The following SAMMSON variants were observed in gnomAD, a reference collection of about 807,000 sequenced individuals.
SAMMSON encodes long intergenic non-protein coding RNA 1212.
intron 3 of SAMMSON, among the ~76,000 whole-genome samples, chr3:70,035,339 TAGAGA>T (rs2067081378): frequency 6.6e-6 from 1 of 151,422 alleles, no homozygotes; most frequent in South Asian, 2.1e-4. Context: ...TACTGTTGAC[TAGAGA>T]AAACACTCTT....
At chr3:70,034,041 G>T (rs534470657) in intron 3 of SAMMSON, among the ~76,000 whole-genome samples, 1 of 152,204 alleles carries the variant, frequency 6.6e-6, no homozygotes, top group Non-Finnish European at 1.5e-5. Context: ...AGAAAAAATG[G>T]AGCTAGAGAT....
intron 3 of SAMMSON, among the ~76,000 whole-genome samples, chr3:70,042,970 T>G (rs2067111405): frequency 6.6e-6 from 1 of 152,036 alleles, no homozygotes; most frequent in Admixed American, 6.6e-5. Flanking sequence ...AGAATAGCAT[T>G]TAGGAGTAAC....
chr3:70,340,479 G>T (rs998190313), intron 7 of SAMMSON, among the ~76,000 whole-genome samples: 1 of 151,970 alleles, frequency 6.6e-6, no homozygotes. Context: ...TTTTTGGAAG[G>T]TTCCTACTAC....
chr3:70,018,973 A>G (rs1314091531), intron 3 of SAMMSON, among the ~76,000 whole-genome samples: 2 of 152,166 alleles, frequency 1.3e-5, no homozygotes, highest in African/African-American at 4.8e-5. Flanking sequence ...CTGTTCTTTT[A>G]CATTTGCTGA....
chr3:70,141,269 C>T (rs1373272237), intron 4 of SAMMSON, among the ~76,000 whole-genome samples: 7 of 152,104 alleles, frequency 4.6e-5, no homozygotes, highest in Admixed American at 1.3e-4. Context: ...CATGACCTGC[C>T]GTCTGCAAGC....
chr3:70,320,929 A>G (rs1575625226), intron 7 of SAMMSON, among the ~76,000 whole-genome samples: 1 of 152,202 alleles, frequency 6.6e-6, no homozygotes, highest in South Asian at 2.1e-4. Flanking sequence ...GGACATAATA[A>G]TGGCATCTAC....
intron 6 of SAMMSON, among the ~76,000 whole-genome samples, chr3:70,273,504 C>T (rs1014101699): frequency 6.6e-6 from 1 of 152,066 alleles, no homozygotes; most frequent in Non-Finnish European, 1.5e-5. Context: ...ACAGTAAACT[C>T]CAGATAATAC....
intron 2 of SAMMSON, among the ~76,000 whole-genome samples, chr3:70,430,093 G>C (rs1203073369): frequency 2.0e-5 from 3 of 152,118 alleles, no homozygotes. Context: ...GTATGATATT[G>C]GATGTGGGTT....
intron 6 of SAMMSON, among the ~76,000 whole-genome samples, chr3:70,278,002 C>T (rs915931109): frequency 6.6e-6 from 1 of 152,092 alleles, no homozygotes; most frequent in Non-Finnish European, 1.5e-5. Flanking sequence ...TAAGTATATA[C>T]ATTGATCCGT....
At chr3:70,220,711 ACTGCTACTGTAT>A (rs1576159992) in intron 4 of SAMMSON, among the ~76,000 whole-genome samples, 2 of 152,168 alleles carry the variant, frequency 1.3e-5, no homozygotes, top group East Asian at 3.9e-4. Context: ...ATATTTGCTG[ACTGCTACTGTAT>A]CAGGCAGTGA....
intron 7 of SAMMSON, among the ~76,000 whole-genome samples, chr3:70,324,931 A>C (rs1445518449): frequency 6.6e-6 from 1 of 151,736 alleles, no homozygotes; most frequent in Non-Finnish European, 1.5e-5. Flanking sequence ...AAAAAAAAAA[A>C]AAAGAAGTGA....
intron 1 of SAMMSON, among the ~76,000 whole-genome samples, chr3:70,007,546 C>T (rs1266567873): frequency 6.6e-6 from 1 of 151,510 alleles, no homozygotes; most frequent in Non-Finnish European, 1.5e-5. Context: ...GGATATTAGC[C>T]CTTTGTCAGA....
chr3:70,091,352 A>T (rs1010402242), intron 4 of SAMMSON, among the ~76,000 whole-genome samples: 2 of 152,106 alleles, frequency 1.3e-5, no homozygotes, highest in Non-Finnish European at 2.9e-5. Flanking sequence ...AACCATAGAG[A>T]TTTCCACTGA....
intron 4 of SAMMSON, among the ~76,000 whole-genome samples, chr3:70,201,093 C>A (rs1576152872): frequency 6.6e-6 from 1 of 151,684 alleles, no homozygotes; most frequent in Non-Finnish European, 1.5e-5. Flanking sequence ...TGCTGGTTTG[C>A]TACATAGGTA....
intron 4 of SAMMSON, among the ~76,000 whole-genome samples, chr3:70,228,116 C>G (rs908197742): frequency 2.6e-5 from 4 of 151,684 alleles, no homozygotes; most frequent in Non-Finnish European, 5.9e-5. Flanking sequence ...CTAAATAGTT[C>G]AACATTTAAA....
intron 6 of SAMMSON, among the ~76,000 whole-genome samples, chr3:70,280,183 G>T (rs1702066423): frequency 6.6e-6 from 1 of 152,012 alleles, no homozygotes; most frequent in South Asian, 2.1e-4. Flanking sequence ...CTGTCCCCAT[G>T]GTTGTATCAT....
chr3:70,082,720 G>A (rs72935468), intron 4 of SAMMSON, among the ~76,000 whole-genome samples: 1,810 of 152,234 alleles, frequency 0.012, 29 homozygotes, highest in African/African-American at 0.041. Flanking sequence ...TTTTCTCTGA[G>A]CCTTATCTGT....
At chr3:70,279,585 C>G (rs184975503) in intron 6 of SAMMSON, among the ~76,000 whole-genome samples, 4 of 152,272 alleles carry the variant, frequency 2.6e-5, no homozygotes, top group African/African-American at 9.6e-5. Flanking sequence ...GCTCCCAGTC[C>G]AGACGGAATC....
chr3:70,402,336 G>A (rs1054968662), intron 2 of SAMMSON, among the ~76,000 whole-genome samples: 3 of 152,102 alleles, frequency 2.0e-5, no homozygotes, highest in African/African-American at 7.2e-5. Context: ...TGATACGTGA[G>A]AATAAGGGAA....
Sources: gnomAD v4.1 joint callset for allele counts (sites outside exome capture counted in the v4.1 genomes callset) on GRCh38, gnomAD v4.1.1 for gene constraint, MANE v1.5 for transcripts, NCBI Gene and HGNC (gene_info 2026-07-23, HGNC 2026-07-21) for gene names.